DNM2: variants seen among roughly 807,000 people sequenced by gnomAD.
DNM2 encodes dynamin-2.
DNM2 carries 15 observed loss-of-function variants against 99.0 expected under a neutral mutation model. The observed-to-expected ratio is 0.15, with a 90% CI of 0.10 to 0.23. The LOEUF is 0.23. Among genes scored for constraint, DNM2 ranks in the 10% least tolerant of loss-of-function variants. The probability of loss-of-function intolerance (pLI) is 1.00; values close to 1 mark genes in which losing one functional copy is unlikely to be tolerated. For missense variants in DNM2, 742 were observed against 1,189.4 expected (o/e 0.62, Z 5.53); for synonymous variants, 525 against 481.2 (o/e 1.09, Z -1.19).
At chr19:10,794,578 C>T (rs1173751711) in intron 8 of DNM2, among the ~76,000 whole-genome samples, 1 of 151,966 alleles carries the variant, frequency 6.6e-6, no homozygotes, top group East Asian at 1.9e-4. Flanking sequence ...CCCATCTCTA[C>T]TAAAAATACA....
chr19:10,755,908 C>A (rs183652320), intron 1 of DNM2, among the ~76,000 whole-genome samples: 39 of 152,228 alleles, frequency 2.6e-4, no homozygotes, highest in South Asian at 2.5e-3. Flanking sequence ...AGGTGACCCA[C>A]CCACCTTGGC....
chr19:10,770,386 G>C lies in DNM2; in HGVS notation c.236-2093G>C, dbSNP rs190254590. On this transcript the variant is annotated intron_variant, in intron 2 of 20. Transcript: ENST00000389253. ...GGTCAGGTCTCTGACCTCTTTGCCA[G>C]TGTGACTTATTACCCCTTTCTTTCT... 3.4e-3 allele frequency among the ~76,000 whole-genome samples: 522 copies of C among 152,296 alleles called. 1 individual carries two copies. Among genetic ancestry groups the C allele is most frequent in the Admixed American group, 0.01 (154 of 15,280 alleles).
Position 10,796,323 on chromosome 19 carries a change from C to T in DNM2, c.1196+884C>T. 6.8e-7 allele frequency: 1 copy of T among 1,464,752 alleles called. No homozygotes were observed. Among genetic ancestry groups the T allele is most frequent in the South Asian group, 1.2e-5 (1 of 86,732 alleles). 90.7% of individuals were successfully genotyped at this position (1,464,752 alleles called of 1,614,324 possible). On this transcript the variant is annotated intron_variant, in intron 9 of 20. Coordinates refer to ENST00000389253, the MANE Select transcript of DNM2 (RefSeq NM_001005361.3). This position sits in a 1 kb window ranked among gnomAD's most constrained non-coding sequence, Gnocchi z 5.6. ...CTTTTCTCCCCATATCGCTTTGTGTCCGTGAACTTGGCCTCTCCCCAGAGG... is the reference window on the plus strand; with the variant it reads ...CTTTTCTCCCCATATCGCTTTGTGTTCGTGAACTTGGCCTCTCCCCAGAGG...
At chr19:10,777,284 C>T in intron 5 of DNM2, 68 bp downstream of exon 5, 1 of 1,442,256 alleles carries the variant, frequency 6.9e-7, no homozygotes, top group East Asian at 2.4e-5. Context: ...GAAACCCCAG[C>T]ACCTGTTCCC....
Position 10,775,608 on chromosome 19 carries a change from C to A in DNM2, c.386-95C>A. ...GCGACATCCTCAAGTCTGAGCCCCG[C>A]GCAGGAACTTTGGTAGTCAGCTGGG... On this transcript the variant is annotated intron_variant, in intron 3 of 20. Coordinates refer to ENST00000389253, the MANE Select transcript of DNM2 (RefSeq NM_001005361.3). The surrounding 1 kb of genome is among the most constrained non-coding windows in gnomAD (Gnocchi z 4.3). The A allele has an allele frequency of 7.2e-7, 1 of 1,393,994 alleles. No individual in the cohort carries two copies. Among genetic ancestry groups the A allele is most frequent in the Non-Finnish European group, 1.0e-6 (1 of 983,022 alleles). 86.4% of individuals were successfully genotyped at this position (1,393,994 alleles called of 1,614,324 possible). A position where few individuals can be genotyped will look rare whatever the true frequency, so the allele number is the denominator to read the frequency against.
intron 2 of DNM2, among the ~76,000 whole-genome samples, chr19:10,762,240 G>C (rs996246389): frequency 6.6e-6 from 1 of 152,086 alleles, no homozygotes; most frequent in East Asian, 1.9e-4. Flanking sequence ...GCTTCACCAT[G>C]TTGGCCAGGC....
chr19:10,792,758 C>T (rs1052410505), intron 7 of DNM2, among the ~76,000 whole-genome samples: 1 of 152,068 alleles, frequency 6.6e-6, no homozygotes, highest in African/African-American at 2.4e-5. Context: ...GAAACGTGCA[C>T]CACCACACCC....
chr19:10,821,732 T>C (rs958008134), intron 16 of DNM2, among the ~76,000 whole-genome samples: 4 of 152,096 alleles, frequency 2.6e-5, no homozygotes, highest in African/African-American at 9.7e-5. Flanking sequence ...GGTTTCTCCA[T>C]ATTGGTCAGG....
chr19:10,822,740 C>T (rs2073016202), intron 16 of DNM2, among the ~76,000 whole-genome samples: 1 of 151,926 alleles, frequency 6.6e-6, no homozygotes, highest in Non-Finnish European at 1.5e-5. Context: ...CTCAGTTGAT[C>T]CTCCTGCCTC....
intron 2 of DNM2, among the ~76,000 whole-genome samples, chr19:10,760,772 A>C: frequency 7.2e-6 from 1 of 138,916 alleles, no homozygotes; most frequent in South Asian, 2.3e-4. Context: ...AATCCTCTCC[A>C]ATCAGCCTCT....
chr19:10,786,876 A>G, intron 7 of DNM2, 170 bp downstream of exon 7: 1 of 1,387,542 alleles, frequency 7.2e-7, no homozygotes, highest in Non-Finnish European at 9.8e-7. Flanking sequence ...CATTCGCCCC[A>G]GTGGAGGGGA....
chr19:10,821,608 C>T (rs560453636), intron 16 of DNM2, among the ~76,000 whole-genome samples: 6 of 152,148 alleles, frequency 3.9e-5, no homozygotes, highest in African/African-American at 4.8e-5. Context: ...CTCAGCTCAC[C>T]GCAACCTCTG....
intron 17 of DNM2, chr19:10,824,803 T>C: frequency 3.8e-6 from 2 of 533,294 alleles, no homozygotes; most frequent in East Asian, 3.3e-5. Context: ...AGCAAGACTG[T>C]GTCAAAAAAA....
At chr19:10,758,691 C>T (rs563337207) in intron 1 of DNM2, among the ~76,000 whole-genome samples, 375 of 151,388 alleles carry the variant, frequency 2.5e-3, no homozygotes, top group Non-Finnish European at 4.4e-3. Flanking sequence ...GGATTACAGG[C>T]GTGTGCCACC....
intron 2 of DNM2, among the ~76,000 whole-genome samples, chr19:10,761,540 G>A (rs2070633778): frequency 6.6e-6 from 1 of 152,104 alleles, no homozygotes; most frequent in Admixed American, 6.6e-5. Flanking sequence ...CTGCTAATCT[G>A]CAACATCAGC....
intron 1 of DNM2, among the ~76,000 whole-genome samples, chr19:10,754,668 C>T (rs1183102743): frequency 1.3e-5 from 2 of 152,194 alleles, no homozygotes; most frequent in South Asian, 2.1e-4. Context: ...TGGCTCACTG[C>T]AGCCTCAGTC....
intron 2 of DNM2, among the ~76,000 whole-genome samples, chr19:10,771,469 A>G (rs1302156721): frequency 6.6e-6 from 1 of 152,120 alleles, no homozygotes; most frequent in Non-Finnish European, 1.5e-5. Flanking sequence ...GCCCTCTTGA[A>G]TAGTCAGGGG....
intron 15 of DNM2, among the ~76,000 whole-genome samples, chr19:10,813,231 G>A (rs963338387): frequency 2.6e-5 from 4 of 152,226 alleles, no homozygotes. Flanking sequence ...GATGACTGCA[G>A]GGAGCAGTGT....
intron 1 of DNM2, among the ~76,000 whole-genome samples, chr19:10,749,401 C>A (rs2070113997): frequency 6.6e-6 from 1 of 152,246 alleles, no homozygotes; most frequent in African/African-American, 2.4e-5. Flanking sequence ...CCCTTCCCTG[C>A]CTGTCCCCTA....
Sources: allele counts gnomAD v4.1 joint callset (sites outside exome capture counted in the v4.1 genomes callset), GRCh38; gene constraint gnomAD v4.1.1; non-coding constraint Gnocchi (gnomAD v3.1); transcripts MANE v1.5; gene names NCBI Gene and HGNC (gene_info 2026-07-23, HGNC 2026-07-21).